The following NALCN variants were observed in gnomAD, a reference collection of about 807,000 sequenced individuals.
The protein encoded by NALCN is sodium leak channel, non-selective, also known as sodium leak channel NALCN.
NALCN carries 111 observed loss-of-function variants against 225.3 expected under a neutral mutation model. That is an observed-to-expected ratio of 0.49 (90% CI 0.42 to 0.58). The LOEUF (loss-of-function observed/expected upper bound fraction) is 0.58. Ranked by LOEUF, NALCN falls within the 20% of genes least tolerant of loss-of-function variation. NALCN has a pLI of 0.00. For missense variants in NALCN, 1,378 were observed against 2,202.4 expected, an observed-to-expected ratio of 0.63 and a Z score of 7.49; for synonymous variants, 764 against 769.0, an observed-to-expected ratio of 0.99 and a Z score of 0.11.
chr13:101,149,304 AAAAAT>A (rs1036718235), intron 15 of NALCN, among the ~76,000 whole-genome samples: 4 of 140,266 alleles, frequency 2.9e-5, no homozygotes, highest in Admixed American at 2.8e-4. Context: ...AAAAAAAAAA[AAAAAT>A]TATAAAGGGA....
At chr13:101,142,652 C>A (rs971809734) in intron 17 of NALCN, 4 of 180,918 alleles carry the variant, frequency 2.2e-5, no homozygotes, top group Non-Finnish European at 4.7e-5. Flanking sequence ...ACATACTAAG[C>A]ATTGAATAAA....
At chr13:101,215,730 G>T (rs2040704513) in intron 13 of NALCN, among the ~76,000 whole-genome samples, 2 of 151,624 alleles carry the variant, frequency 1.3e-5, no homozygotes, top group African/African-American at 4.8e-5. Context: ...TATACTTTAA[G>T]TTCTAGGGTA....
At chr13:101,279,281 G>A (rs2043067695) in intron 10 of NALCN, among the ~76,000 whole-genome samples, 1 of 152,186 alleles carries the variant, frequency 6.6e-6, no homozygotes, top group Non-Finnish European at 1.5e-5. Flanking sequence ...AAGTGGTGTA[G>A]GAAGAGGAAA....
At chr13:101,276,767 T>A (rs1188351998) in intron 10 of NALCN, among the ~76,000 whole-genome samples, 1 of 152,164 alleles carries the variant, frequency 6.6e-6, no homozygotes, top group Non-Finnish European at 1.5e-5. Flanking sequence ...CCTAATTCAT[T>A]GACTATCTCC....
At chr13:101,205,756 GTCAA>G (rs770075380) in intron 13 of NALCN, among the ~76,000 whole-genome samples, 4 of 152,058 alleles carry the variant, frequency 2.6e-5, no homozygotes, top group Non-Finnish European at 5.9e-5. Context: ...GCATTTCATT[GTCAA>G]TCAAATATGT....
At chr13:101,340,033 C>T (rs997904684) in intron 7 of NALCN, among the ~76,000 whole-genome samples, 4 of 150,436 alleles carry the variant, frequency 2.7e-5, no homozygotes, top group Admixed American at 6.6e-5. Context: ...TTTTGGAGGC[C>T]GAGGCGGGTG....
At chr13:101,178,201 C>T (rs1391676329) in intron 14 of NALCN, among the ~76,000 whole-genome samples, 1 of 152,120 alleles carries the variant, frequency 6.6e-6, no homozygotes, top group East Asian at 1.9e-4. Flanking sequence ...TTTCTCACCC[C>T]GAATTCTGAG....
intron 27 of NALCN, among the ~76,000 whole-genome samples, chr13:101,099,477 T>C (rs1333082604): frequency 3.3e-5 from 5 of 152,046 alleles, no homozygotes; most frequent in South Asian, 2.1e-4. Flanking sequence ...TCAGGTCTAG[T>C]AGGCCTTTTG....
chr13:101,063,895 T>C (rs2032160333), intron 40 of NALCN, among the ~76,000 whole-genome samples: 1 of 152,214 alleles, frequency 6.6e-6, no homozygotes. Flanking sequence ...TGGACCCCTG[T>C]GGCAGTGGAG....
chr13:101,171,669 G>A (rs1337103836), intron 15 of NALCN, among the ~76,000 whole-genome samples: 1 of 152,126 alleles, frequency 6.6e-6, no homozygotes, highest in African/African-American at 2.4e-5. Flanking sequence ...GAACATGATT[G>A]TGGGAAGTGA....
intron 9 of NALCN, among the ~76,000 whole-genome samples, chr13:101,285,505 CTTG>C (rs1045308768): frequency 1.4e-4 from 21 of 151,906 alleles, no homozygotes; most frequent in Non-Finnish European, 2.8e-4. Context: ...AGGGTTTCAG[CTTG>C]TTGTCCAGGG....
intron 30 of NALCN, among the ~76,000 whole-genome samples, chr13:101,087,682 C>T (rs565312246): frequency 6.6e-6 from 1 of 152,278 alleles, no homozygotes; most frequent in Non-Finnish European, 1.5e-5. Context: ...CTCTTTCCTA[C>T]CTGCAGAACA....
chr13:101,255,140 GGTT>G (rs1231004216), intron 11 of NALCN, among the ~76,000 whole-genome samples: 1 of 151,784 alleles, frequency 6.6e-6, no homozygotes, highest in Non-Finnish European at 1.5e-5. Context: ...CTGTTGTTGA[GGTT>G]GTTTTTATTT....
intron 11 of NALCN, among the ~76,000 whole-genome samples, chr13:101,240,831 G>A (rs541114700): frequency 6.6e-6 from 1 of 152,018 alleles, no homozygotes; most frequent in Non-Finnish European, 1.5e-5. Flanking sequence ...AAAAGCTCCT[G>A]ATGTTAACCA....
At chr13:101,172,604 G>C (rs536753922) in intron 15 of NALCN, among the ~76,000 whole-genome samples, 56 of 152,276 alleles carry the variant, frequency 3.7e-4, no homozygotes, top group South Asian at 8.3e-4. Context: ...CTGTCACCCA[G>C]GCTGGAGTAC....
At chr13:101,369,200 A>G (rs3223688) in intron 6 of NALCN, among the ~76,000 whole-genome samples, 22 of 92,660 alleles carry the variant, frequency 2.4e-4, no homozygotes, top group Admixed American at 7.7e-4. Flanking sequence ...GTGTGTGTGT[A>G]TGCTACTAGG....
chr13:101,203,565 G>C (rs1385628955), intron 13 of NALCN, among the ~76,000 whole-genome samples: 1 of 152,100 alleles, frequency 6.6e-6, no homozygotes, highest in African/African-American at 2.4e-5. Context: ...GTCATATATG[G>C]TGTGATTCCA....
intron 7 of NALCN, among the ~76,000 whole-genome samples, chr13:101,301,956 A>G (rs541481561): frequency 1.3e-5 from 2 of 152,304 alleles, no homozygotes; most frequent in Non-Finnish European, 2.9e-5. Flanking sequence ...ATTGTCCTAA[A>G]GAGTACACAA....
chr13:101,408,145 C>T (rs2047675172), intron 1 of NALCN, among the ~76,000 whole-genome samples: 1 of 152,222 alleles, frequency 6.6e-6, no homozygotes, highest in Admixed American at 6.5e-5. Flanking sequence ...TTCTTTCAGT[C>T]TGACCCTTTC....
Sources: allele counts gnomAD v4.1 joint callset (sites outside exome capture counted in the v4.1 genomes callset), GRCh38; gene constraint gnomAD v4.1.1; transcripts MANE v1.5; gene names NCBI Gene and HGNC (gene_info 2026-07-23, HGNC 2026-07-21).